Variants in DNM3 observed in about 807,000 individuals in gnomAD.
DNM3 encodes the protein dynamin-3.
Under a neutral mutation model 101.6 loss-of-function variants are expected in DNM3, and 47 were observed. That is an observed-to-expected ratio of 0.46 (90% confidence interval 0.37 to 0.59). The LOEUF is 0.59. DNM3 is among the 20% of genes least tolerant of loss of function. DNM3 has a pLI of 0.00. For missense variants in DNM3, 849 were observed against 1,085.7 expected, an observed-to-expected ratio of 0.78 and a Z score of 3.06; for synonymous variants, 385 against 387.9, an observed-to-expected ratio of 0.99 and a Z score of 0.09.
rs2062275971 is a variant in DNM3 at position 172,253,608 on chromosome 1, C to T, written c.1695C>T (p.Asn565=). 6.3e-7 allele frequency: 1 copy of T among 1,587,212 alleles called. No individual in the cohort carries two copies. Among genetic ancestry groups the T allele is most frequent in the South Asian group, 1.1e-5 (1 of 87,050 alleles). The change falls in exon 15 of 21, where the codon AAC becomes AAT. Residue 565 remains asparagine (N), a synonymous_variant. Transcript: ENST00000627582. ...KEKKYMLPLD[N]LKVRDVEKSF... is the part of the protein sequence containing the mutation. ...AGAAGTACATGCTTCCCTTGGACAACCTGAAAGTTCGGGATGTGGAAAAGA... is the reference window on the plus strand; with the variant it reads ...AGAAGTACATGCTTCCCTTGGACAATCTGAAAGTTCGGGATGTGGAAAAGA...
At chr1:172,276,575 G>GTGTGTGTGTA (rs956681646) in intron 15 of DNM3, among the ~76,000 whole-genome samples, 7 of 151,640 alleles carry the variant, frequency 4.6e-5, no homozygotes, top group African/African-American at 1.7e-4. Flanking sequence ...GTGTGTGTGT[G>GTGTGTGTGTA]TGTGTGTGTG....
At chr1:172,225,734 A>G (rs866703687) in intron 14 of DNM3, among the ~76,000 whole-genome samples, 2 of 152,240 alleles carry the variant, frequency 1.3e-5, no homozygotes, top group South Asian at 4.1e-4. Flanking sequence ...GCCTGGTGAC[A>G]GAGAAAGACC....
intron 14 of DNM3, among the ~76,000 whole-genome samples, chr1:172,194,765 A>G (rs1394317481): frequency 6.6e-6 from 1 of 151,872 alleles, no homozygotes; most frequent in Non-Finnish European, 1.5e-5. Context: ...CTCTGCATGT[A>G]AGATGAGTCT....
At chr1:172,086,136 T>TA (rs2053514793) in intron 12 of DNM3, among the ~76,000 whole-genome samples, 2 of 152,172 alleles carry the variant, frequency 1.3e-5, no homozygotes, top group Non-Finnish European at 2.9e-5. Flanking sequence ...CATCCTCAAA[T>TA]ATGTTATTTT....
chr1:172,136,883 A>G (rs1377015539), intron 14 of DNM3: 3 of 152,182 alleles, frequency 2.0e-5, no homozygotes, highest in African/African-American at 7.2e-5. Flanking sequence ...ATGACTTTAA[A>G]ATACATACAA....
chr1:172,248,531 TGA>T (rs2062044218), intron 14 of DNM3, among the ~76,000 whole-genome samples: 2 of 151,998 alleles, frequency 1.3e-5, no homozygotes, highest in African/African-American at 4.8e-5. Context: ...GTGGAAAATT[TGA>T]GAGTTATAGA....
intron 14 of DNM3, among the ~76,000 whole-genome samples, chr1:172,184,081 A>G (rs938300464): frequency 2.6e-5 from 4 of 152,086 alleles, no homozygotes; most frequent in Non-Finnish European, 1.5e-5. Flanking sequence ...TATTTCTGCA[A>G]AGTAGCGTGA....
At chr1:172,296,795 AG>A (rs2064182705) in intron 15 of DNM3, among the ~76,000 whole-genome samples, 2 of 152,340 alleles carry the variant, frequency 1.3e-5, no homozygotes, top group South Asian at 4.1e-4. Flanking sequence ...TGTAGTACTG[AG>A]AAAAGCAATT....
intron 20 of DNM3, among the ~76,000 whole-genome samples, chr1:172,402,116 C>T (rs1251107174): frequency 6.6e-6 from 1 of 152,034 alleles, no homozygotes; most frequent in Non-Finnish European, 1.5e-5. Context: ...AATCTTGGTT[C>T]ATAGAAGGTT....
intron 11 of DNM3, among the ~76,000 whole-genome samples, chr1:172,070,243 T>A (rs924113358): frequency 5.9e-5 from 9 of 152,168 alleles, no homozygotes; most frequent in African/African-American, 2.2e-4. Context: ...AACAAATCAG[T>A]ATTAACTCCT....
At chr1:171,843,911 G>C (rs1028052164) in intron 1 of DNM3, among the ~76,000 whole-genome samples, 9 of 152,128 alleles carry the variant, frequency 5.9e-5, no homozygotes, top group Admixed American at 5.9e-4. Context: ...ACTTTAAAAA[G>C]TTTTACCACT....
chr1:172,347,897 A>G (rs1188560388), intron 17 of DNM3, among the ~76,000 whole-genome samples: 2 of 152,186 alleles, frequency 1.3e-5, no homozygotes, highest in African/African-American at 4.8e-5. Flanking sequence ...ATCCCAAACA[A>G]GTGAACTCCA....
chr1:172,202,600 G>T (rs909847208), intron 14 of DNM3, among the ~76,000 whole-genome samples: 6 of 151,950 alleles, frequency 3.9e-5, no homozygotes, highest in South Asian at 2.1e-4. Context: ...TTTAAATTTT[G>T]CCTCCTTAAG....
intron 12 of DNM3, among the ~76,000 whole-genome samples, chr1:172,089,969 G>A (rs2053797016): frequency 1.3e-5 from 2 of 152,134 alleles, no homozygotes; most frequent in South Asian, 2.1e-4. Context: ...ATAGCTGAGC[G>A]ACTGAAGTCC....
intron 14 of DNM3, among the ~76,000 whole-genome samples, chr1:172,159,913 T>A (rs1403789990): frequency 6.6e-6 from 1 of 152,062 alleles, no homozygotes; most frequent in Non-Finnish European, 1.5e-5. Flanking sequence ...ATACCTAGGC[T>A]ATATGGTATA....
At chr1:172,223,633 C>T (rs1037605995) in intron 14 of DNM3, among the ~76,000 whole-genome samples, 1 of 152,108 alleles carries the variant, frequency 6.6e-6, no homozygotes, top group Admixed American at 6.6e-5. Context: ...TCTATTGTTC[C>T]CTATTTCAGT....
intron 20 of DNM3, 27 bp downstream of exon 20, chr1:172,388,836 G>C: frequency 1.3e-6 from 2 of 1,516,848 alleles, no homozygotes; most frequent in Admixed American, 2.0e-5. Flanking sequence ...AAATTGGGGG[G>C]GTAGTGCGCC....
chr1:172,077,439 T>G lies in DNM3; in HGVS notation c.1423-4393T>G, dbSNP rs149144838. On this transcript the variant is annotated intron_variant, in intron 11 of 20. Transcript: ENST00000627582. ...ATTTTGGATCTTTCCTGCTTTCTCC[T>G]GTGGGCATTTAGTGCTATAAATTTC... 2.1e-4 allele frequency among the ~76,000 whole-genome samples: 32 copies of G among 152,352 alleles called. 1 individual carries two copies. The East Asian group carries it at 5.0e-3, about 24-fold the overall frequency.
rs778354610 is a variant in DNM3 at position 172,253,568 on chromosome 1, A to G, written c.1660-5A>G. 15 of 1,545,448 alleles carry G rather than the reference A, an allele frequency of 9.7e-6. No individual in the cohort carries two copies. Among genetic ancestry groups the G allele is most frequent in the Non-Finnish European group, 5.2e-6 (6 of 1,146,742 alleles). Reference sequence around the variant, plus strand: ...TCCCTCTTTTCTTTCTCTCTCTTATAATAGGAAAAAGAAAAGAAGTACATG... The same window carrying G: ...TCCCTCTTTTCTTTCTCTCTCTTATGATAGGAAAAAGAAAAGAAGTACATG... On this transcript the variant is annotated splice_polypyrimidine_tract_variant and splice_region_variant and intron_variant, in intron 14 of 20. Coordinates refer to ENST00000627582, the MANE Select transcript of DNM3 (RefSeq NM_015569.5).
Sources: gnomAD v4.1 joint callset for allele counts (sites outside exome capture counted in the v4.1 genomes callset) on GRCh38, gnomAD v4.1.1 for gene constraint, MANE v1.5 for transcripts, NCBI Gene and HGNC (gene_info 2026-07-23, HGNC 2026-07-21) for gene names.